The following CCNY variants were observed in gnomAD, a reference collection of about 807,000 sequenced individuals.
The protein encoded by CCNY is cyclin-Y.
In CCNY, 19 loss-of-function variants were observed where a neutral mutation model predicts 42.8. The ratio of observed to expected loss-of-function variants is 0.44; its 90% CI spans 0.31 to 0.65. The LOEUF is 0.65. Ranked by LOEUF, CCNY falls within the 30% of genes least tolerant of loss-of-function variation. The pLI, the probability that CCNY is intolerant of heterozygous loss-of-function variation, is 0.07. For synonymous variants in CCNY, 165 were observed against 162.7 expected, an observed-to-expected ratio of 1.01 and a Z score of -0.11; for missense variants, 370 against 437.3, an observed-to-expected ratio of 0.85 and a Z score of 1.37.
chr10:35,412,860 C>CAAAAAAAAAAAAAAAAAAAAAA (rs10558250), intron 1 of CCNY, among the ~76,000 whole-genome samples: 6 of 34,768 alleles, frequency 1.7e-4, no homozygotes, highest in Admixed American at 9.6e-4. Flanking sequence ...GACTCTGTCT[C>CAAAAAAAAAAAAAAAAAAAAAA]AAAAAAAAAA....
chr10:35,526,101 C>T (rs1003736234), intron 5 of CCNY, 102 bp downstream of exon 5: 4 of 999,134 alleles, frequency 4.0e-6, no homozygotes, highest in Non-Finnish European at 4.4e-6. Flanking sequence ...ATTATACTTT[C>T]TTAACTCATA....
intron 1 of CCNY, among the ~76,000 whole-genome samples, chr10:35,338,243 T>A (rs751451734): frequency 4.9e-4 from 75 of 152,238 alleles, no homozygotes; most frequent in Admixed American, 2.0e-3. Flanking sequence ...TTCTCTCCAC[T>A]GTGGAAAGGC....
intron 1 of CCNY, among the ~76,000 whole-genome samples, chr10:35,472,322 G>A (rs1386204877): frequency 1.3e-5 from 2 of 152,200 alleles, no homozygotes; most frequent in Non-Finnish European, 2.9e-5. Context: ...ATTTTAAAAT[G>A]TGTAATTCTT....
intron 3 of CCNY, among the ~76,000 whole-genome samples, chr10:35,505,230 C>T (rs1404173479): frequency 6.7e-6 from 1 of 149,920 alleles, no homozygotes; most frequent in African/African-American, 2.5e-5. Flanking sequence ...CTTCCTGCCA[C>T]CTGGTGATAG....
chr10:35,406,192 T>C (rs1409348400), intron 1 of CCNY, among the ~76,000 whole-genome samples: 1 of 145,292 alleles, frequency 6.9e-6, no homozygotes, highest in African/African-American at 2.6e-5. Context: ...TTTTTTTTTT[T>C]CTTTTTTATT....
chr10:35,500,077 A>G (rs1363533145), intron 2 of CCNY, among the ~76,000 whole-genome samples: 2 of 152,234 alleles, frequency 1.3e-5, no homozygotes, highest in African/African-American at 4.8e-5. Flanking sequence ...CATGCTGTGC[A>G]TAGCAGACCA....
intron 1 of CCNY, among the ~76,000 whole-genome samples, chr10:35,339,476 CTG>C (rs1412372454): frequency 6.6e-6 from 1 of 152,144 alleles, no homozygotes; most frequent in African/African-American, 2.4e-5. Flanking sequence ...TCATCTATAT[CTG>C]TATGTATTTG....
intron 7 of CCNY, among the ~76,000 whole-genome samples, chr10:35,533,843 G>C (rs1157054635): frequency 6.6e-6 from 1 of 152,156 alleles, no homozygotes; most frequent in East Asian, 1.9e-4. Flanking sequence ...ACACAGCCCA[G>C]CTCATAATGA....
chr10:35,472,849 T>C (rs1358658682), intron 1 of CCNY, among the ~76,000 whole-genome samples: 2 of 152,218 alleles, frequency 1.3e-5, no homozygotes, highest in African/African-American at 2.4e-5. Context: ...AAATAGGTCA[T>C]GTAGAATAGG....
At chr10:35,480,076 G>T (rs562504497) in intron 1 of CCNY, among the ~76,000 whole-genome samples, 9 of 152,036 alleles carry the variant, frequency 5.9e-5, no homozygotes, top group African/African-American at 2.2e-4. Context: ...TCAAGATCTG[G>T]CCTGTATTCA....
At chr10:35,262,928 A>G (rs2095721201) in intron 3 of CCNY, among the ~76,000 whole-genome samples, 1 of 151,818 alleles carries the variant, frequency 6.6e-6, no homozygotes, top group South Asian at 2.1e-4. Context: ...CTAAAAGGAA[A>G]AAAAAAAGGT....
At chr10:35,326,456 T>C (rs1411550300) in intron 3 of CCNY, among the ~76,000 whole-genome samples, 5 of 152,228 alleles carry the variant, frequency 3.3e-5, no homozygotes, top group African/African-American at 4.8e-5. Context: ...GCATAGCTAA[T>C]ATAATTTTAC....
chr10:35,520,524 C>A (rs1840526464), intron 4 of CCNY, among the ~76,000 whole-genome samples: 1 of 152,056 alleles, frequency 6.6e-6, no homozygotes, highest in African/African-American at 2.4e-5. Context: ...TATCTGAAAT[C>A]CAGTTACAAG....
chr10:35,560,496 C>G (rs1232284098), intron 8 of CCNY, among the ~76,000 whole-genome samples: 1 of 152,166 alleles, frequency 6.6e-6, no homozygotes, highest in Non-Finnish European at 1.5e-5. Context: ...GAGACTCAGA[C>G]AGCCACCTGC....
At chr10:35,379,256 TA>T (rs1407211591) in intron 1 of CCNY, among the ~76,000 whole-genome samples, 1 of 152,144 alleles carries the variant, frequency 6.6e-6, no homozygotes, top group Non-Finnish European at 1.5e-5. Flanking sequence ...TTTACATGAT[TA>T]GGGGTTGGGG....
intron 3 of CCNY, among the ~76,000 whole-genome samples, chr10:35,254,348 A>G (rs1289060684): frequency 6.6e-6 from 1 of 151,952 alleles, no homozygotes; most frequent in African/African-American, 2.4e-5. Flanking sequence ...CTGCAGCTTC[A>G]TTTTTATTTT....
At chr10:35,393,405 G>A (rs1340118164) in intron 1 of CCNY, among the ~76,000 whole-genome samples, 1 of 152,148 alleles carries the variant, frequency 6.6e-6, no homozygotes, top group Non-Finnish European at 1.5e-5. Flanking sequence ...GGGAAGGCAT[G>A]TCTGTGAACC....
chr10:35,253,643 C>T (rs1270010923), intron 3 of CCNY, among the ~76,000 whole-genome samples: 3 of 151,656 alleles, frequency 2.0e-5, no homozygotes, highest in East Asian at 2.0e-4. Flanking sequence ...GGTGTTTTCT[C>T]GAGTTCTCTG....
rs34396120 is a variant in CCNY at position 35,253,874 on chromosome 10, GTT to G, written c.-9+3266_-9+3267del. Among the ~76,000 whole-genome samples, 8 of 129,302 alleles carry G rather than the reference GTT, an allele frequency of 6.2e-5. No individual in the cohort carries two copies. In the East Asian group the frequency reaches 9.1e-4, roughly 15 times the overall value. 84.8% of individuals were successfully genotyped at this position (129,302 alleles called of 152,430 possible). On this transcript the variant is annotated intron_variant, in intron 3 of 11. Transcript: ENST00000374706. ...AATATCCTCAACTGTTTGAGCAACT[GTT>G]TTTTTTTTTTTTTTTTTGAGACGGA...
Sources: allele counts gnomAD v4.1 joint callset (sites outside exome capture counted in the v4.1 genomes callset), GRCh38; gene constraint gnomAD v4.1.1; transcripts MANE v1.5; gene names NCBI Gene and HGNC (gene_info 2026-07-23, HGNC 2026-07-21).